OPCML: variants seen among roughly 807,000 people sequenced by gnomAD.
The protein encoded by OPCML is opioid binding protein/cell adhesion molecule like, also known as opioid-binding protein/cell adhesion molecule.
Under a neutral mutation model 37.8 loss-of-function variants are expected in OPCML, and 13 were observed. That is an observed-to-expected ratio of 0.34 (90% CI 0.22 to 0.55). The LOEUF is 0.55. OPCML is among the 20% of genes least tolerant of loss of function. The probability of loss-of-function intolerance (pLI) is 0.91; values close to 1 mark genes in which losing one functional copy is unlikely to be tolerated. For synonymous variants in OPCML, 176 were observed against 168.8 expected, an observed-to-expected ratio of 1.04 and a Z score of -0.33; for missense variants, 341 against 435.6, an observed-to-expected ratio of 0.78 and a Z score of 1.93.
intron 1 of OPCML, among the ~76,000 whole-genome samples, chr11:133,018,326 T>C (rs1453533148): frequency 2.6e-5 from 4 of 152,218 alleles, no homozygotes; most frequent in Non-Finnish European, 5.9e-5. Context: ...TATATGTATG[T>C]ATGTAGATAC....
chr11:133,195,581 A>G (rs1054545361), intron 1 of OPCML, among the ~76,000 whole-genome samples: 2 of 152,242 alleles, frequency 1.3e-5, no homozygotes, highest in Non-Finnish European at 2.9e-5. Flanking sequence ...CACACAGTTC[A>G]TAAAACATCT....
At chr11:133,282,474 G>A (rs916036257) in intron 1 of OPCML, among the ~76,000 whole-genome samples, 5 of 152,342 alleles carry the variant, frequency 3.3e-5, no homozygotes, top group South Asian at 2.1e-4. Context: ...AGATTTCAGA[G>A]GATGTATGGG....
At chr11:132,985,569 C>G (rs1013698318) in intron 1 of OPCML, among the ~76,000 whole-genome samples, 1 of 152,190 alleles carries the variant, frequency 6.6e-6, no homozygotes, top group African/African-American at 2.4e-5. Flanking sequence ...TCAGACTTAA[C>G]CAGGAGAATA....
At chr11:133,184,640 C>T (rs1410375485) in intron 1 of OPCML, among the ~76,000 whole-genome samples, 1 of 152,138 alleles carries the variant, frequency 6.6e-6, no homozygotes, top group African/African-American at 2.4e-5. Flanking sequence ...AATTAACTAT[C>T]TACTTAGAGT....
rs189308433 is a variant in OPCML at position 133,529,941 on chromosome 11, A to G, written c.61+2323T>C. Among the ~76,000 whole-genome samples, 34 of 152,300 alleles carry G rather than the reference A, an allele frequency of 2.2e-4. No individual in the cohort carries two copies. The East Asian group carries it at 6.0e-3, about 27-fold the overall frequency. On this transcript the variant is annotated intron_variant, in intron 1 of 7. Transcript: ENST00000524381. The stretch of plus-strand genomic sequence containing the variant: ...AGCGTTCTTTCACCGACACCTTCTA[A>G]GGCTAACTTTTTCTCCTCCCCGTTC...
At chr11:133,336,581 T>C (rs1324032900) in intron 1 of OPCML, among the ~76,000 whole-genome samples, 4 of 152,232 alleles carry the variant, frequency 2.6e-5, no homozygotes, top group Admixed American at 6.5e-5. Flanking sequence ...AATAGAAATG[T>C]CCCAGTGCCT....
chr11:132,963,017 C>T (rs1346000040), intron 1 of OPCML, among the ~76,000 whole-genome samples: 3 of 152,076 alleles, frequency 2.0e-5, no homozygotes, highest in Admixed American at 2.0e-4. Flanking sequence ...GACCTGCAGC[C>T]GTGAAGCCTG....
In OPCML at chr11:132,688,807, G is replaced by A. The variant is rs1435337173; in HGVS notation, c.147-31488C>T. 2.9e-4 allele frequency among the ~76,000 whole-genome samples: 19 copies of A among 64,768 alleles called. 6 individuals are homozygous for A. The highest frequency in any genetic ancestry group is 1.2e-3 in the African/African-American group (18 of 15,056). 42.5% of individuals were successfully genotyped at this position (64,768 alleles called of 152,430 possible). On this transcript the variant is annotated intron_variant, in intron 2 of 7. Coordinates refer to ENST00000524381, the MANE Select transcript of OPCML (RefSeq NM_001012393.5). The stretch of plus-strand genomic sequence containing the variant: ...AAAAAAAAAATACAAAAAATTAGCC[G>A]GGCGCGGTGGCGGGCGCCTGTAGTC...
chr11:132,849,606 T>C (rs1941707995), intron 2 of OPCML, among the ~76,000 whole-genome samples: 1 of 152,140 alleles, frequency 6.6e-6, no homozygotes. Flanking sequence ...GACACTCCCA[T>C]ATAAGAAGAT....
chr11:132,926,691 G>GC (rs1451392067), intron 2 of OPCML, among the ~76,000 whole-genome samples: 9 of 151,610 alleles, frequency 5.9e-5, no homozygotes, highest in Non-Finnish European at 1.2e-4. Context: ...AGTAAAATAT[G>GC]CCCCATTCAA....
intron 4 of OPCML, among the ~76,000 whole-genome samples, chr11:132,446,103 CTTTTTTTTTTTTTTT>C (rs58784534): frequency 2.1e-5 from 1 of 48,504 alleles, no homozygotes; most frequent in South Asian, 9.5e-4. Context: ...CTGCTTGTGT[CTTTTTTTTTTTTTTT>C]TTTTTTTTTT....
intron 1 of OPCML, among the ~76,000 whole-genome samples, chr11:133,020,246 T>C (rs907144052): frequency 1.2e-4 from 18 of 152,196 alleles, no homozygotes; most frequent in African/African-American, 4.3e-4. Flanking sequence ...TCGGCCCATC[T>C]CAATGAGGCA....
Position 132,926,121 on chromosome 11 carries a change from C to T in OPCML, c.146+16805G>A, listed in dbSNP as rs564648256. 1.2e-4 allele frequency among the ~76,000 whole-genome samples: 19 copies of T among 152,240 alleles called. No individual in the cohort carries two copies. In the East Asian group the frequency reaches 3.7e-3, roughly 29 times the overall value. On this transcript the variant is annotated intron_variant, in intron 2 of 7. Coordinates refer to ENST00000524381, the MANE Select transcript of OPCML (RefSeq NM_001012393.5). ...TGACCACCATGGCAAGAATAGAGAC[C>T]CTTGTCCCTCTCAACTAATTTACCC...
intron 3 of OPCML, among the ~76,000 whole-genome samples, chr11:132,627,839 G>A (rs920797063): frequency 1.3e-5 from 2 of 152,162 alleles, no homozygotes; most frequent in African/African-American, 4.8e-5. Flanking sequence ...AAATTCAATC[G>A]AAGCTCATTT....
At chr11:132,789,279 C>G (rs1193160136) in intron 2 of OPCML, among the ~76,000 whole-genome samples, 1 of 152,184 alleles carries the variant, frequency 6.6e-6, no homozygotes, top group Non-Finnish European at 1.5e-5. Flanking sequence ...ACCACATGTG[C>G]CTTGTTCACC....
intron 1 of OPCML, among the ~76,000 whole-genome samples, chr11:133,507,926 G>T (rs931516724): frequency 6.8e-5 from 10 of 147,018 alleles, no homozygotes; most frequent in African/African-American, 2.3e-4. Flanking sequence ...CAGACTGGGT[G>T]ACAGAGTGAA....
chr11:132,431,784 ATCACG>A (rs2095997789), intron 7 of OPCML, among the ~76,000 whole-genome samples: 1 of 152,204 alleles, frequency 6.6e-6, no homozygotes, highest in Non-Finnish European at 1.5e-5. Context: ...CTGTGAAGGG[ATCACG>A]GGGCAGAGTC....
At chr11:133,082,005 G>A (rs558139044) in intron 1 of OPCML, among the ~76,000 whole-genome samples, 1 of 152,058 alleles carries the variant, frequency 6.6e-6, no homozygotes, top group Non-Finnish European at 1.5e-5. Flanking sequence ...CCCTGCTCCC[G>A]AGTGTGCCCA....
At chr11:132,522,031 A>G (rs1245802273) in intron 4 of OPCML, among the ~76,000 whole-genome samples, 3 of 152,176 alleles carry the variant, frequency 2.0e-5, no homozygotes, top group African/African-American at 7.2e-5. Flanking sequence ...TGTTGTGCAT[A>G]TTTACAATTT....
Sources: gnomAD v4.1 joint callset for allele counts (sites outside exome capture counted in the v4.1 genomes callset) on GRCh38, gnomAD v4.1.1 for gene constraint, MANE v1.5 for transcripts, NCBI Gene and HGNC (gene_info 2026-07-23, HGNC 2026-07-21) for gene names.